CCDC144A: variants seen among roughly 807,000 people sequenced by gnomAD.
CCDC144A encodes the protein coiled-coil domain containing 144A, also known as coiled-coil domain-containing protein 144A.
Under a neutral mutation model 143.8 loss-of-function variants are expected in CCDC144A, and 41 were observed. The ratio of observed to expected loss-of-function variants is 0.29; its 90% CI spans 0.22 to 0.37. The LOEUF (loss-of-function observed/expected upper bound fraction) is 0.37, where lower values mean the gene tolerates loss of function less well. Among genes scored for constraint, CCDC144A ranks in the 10% least tolerant of loss-of-function variants. The probability of loss-of-function intolerance (pLI) is 1.00; values close to 1 mark genes in which losing one functional copy is unlikely to be tolerated. For synonymous variants in CCDC144A, 242 were observed against 517.9 expected (o/e 0.47, Z 7.23); for missense variants, 637 against 1,488.8 (o/e 0.43, Z 9.41).
intron 12 of CCDC144A, among the ~76,000 whole-genome samples, chr17:16,744,433 T>G (rs559124542): frequency 6.6e-6 from 1 of 152,368 alleles, no homozygotes; most frequent in East Asian, 1.9e-4. Flanking sequence ...TCATTGTGGC[T>G]TTGATTTGCT....
At chr17:16,676,738 A>G in the CCDC144A span, among the ~76,000 whole-genome samples, 41 of 151,980 alleles carry the variant, frequency 2.7e-4, no homozygotes, top group East Asian at 6.2e-3. Flanking sequence ...GCAGAAACAA[A>G]CTCTGTGGTC....
chr17:16,667,452 CTCAGGGGCTGACGCGGGTGAGG>C, the CCDC144A span, among the ~76,000 whole-genome samples: 1 of 151,594 alleles, frequency 6.6e-6, no homozygotes, highest in Non-Finnish European at 1.5e-5. Flanking sequence ...GCTGAGGTGG[CTCAGGGGCTGACGCGGGTGAGG>C]GGCTGAGGGG....
At chr17:16,683,214 G>C in the CCDC144A span, among the ~76,000 whole-genome samples, 6 of 151,998 alleles carry the variant, frequency 3.9e-5, no homozygotes, top group Non-Finnish European at 8.8e-5. Flanking sequence ...ACCACAAAAA[G>C]TAAGTATGCA....
the CCDC144A span, among the ~76,000 whole-genome samples, chr17:16,678,940 G>C: frequency 6.6e-6 from 1 of 151,816 alleles, no homozygotes; most frequent in Non-Finnish European, 1.5e-5. Context: ...TTTTAGTAGA[G>C]GGCGGGTTTC....
intron 6 of CCDC144A, among the ~76,000 whole-genome samples, chr17:16,717,927 G>A (rs981569979): frequency 5.3e-5 from 8 of 152,136 alleles, no homozygotes; most frequent in Non-Finnish European, 8.8e-5. Flanking sequence ...CTCTGATTAC[G>A]CCAGTGTTTG....
intron 12 of CCDC144A, among the ~76,000 whole-genome samples, chr17:16,756,505 C>A (rs1160401010): frequency 6.7e-6 from 1 of 149,164 alleles, no homozygotes; most frequent in East Asian, 2.0e-4. Context: ...TTATTCAGAT[C>A]ATAAATTGTT....
At chr17:16,707,586 C>T in intron 4 of CCDC144A, 44 bp downstream of exon 4, 1 of 1,305,436 alleles carries the variant, frequency 7.7e-7, no homozygotes, top group Non-Finnish European at 1.1e-6. Context: ...TGGTTTAATA[C>T]TCTTTTCTTT....
At chr17:16,684,312 G>C in the CCDC144A span, 2 of 741,542 alleles carry the variant, frequency 2.7e-6, no homozygotes, top group Non-Finnish European at 2.5e-6. Flanking sequence ...TTATGTAAGT[G>C]GTTTAATGAC....
chr17:16,729,714 C>G (rs1431486740), intron 9 of CCDC144A, among the ~76,000 whole-genome samples: 7 of 151,572 alleles, frequency 4.6e-5, no homozygotes, highest in Admixed American at 2.6e-4. Context: ...GCCACCACGC[C>G]TGGCTAATTT....
chr17:16,709,581 A>G lies in CCDC144A; in HGVS notation c.1524A>G (p.Thr508=), dbSNP rs371753347. ...AAAAGTTTAAGAATGAGGTCAACAC[A>G]TTAGAAGAAGAGTTCCTGGCTTTGA... The part of the protein sequence containing the change: ...DMQKFKNEVN[T]LEEEFLALKK... The change falls in exon 5 of 17, where the codon ACA becomes ACG. Residue 508 remains threonine, a synonymous_variant. Transcript: ENST00000399273. The G allele has an allele frequency of 6.7e-5, 108 of 1,611,640 alleles. No homozygotes were observed. In the African/African-American group the frequency reaches 1.0e-3, roughly 15 times the overall value.
intron 2 of CCDC144A, among the ~76,000 whole-genome samples, chr17:16,698,222 G>A (rs1567583907): frequency 1.3e-5 from 2 of 152,164 alleles, no homozygotes; most frequent in African/African-American, 4.8e-5. Flanking sequence ...AATTAGGAAA[G>A]AAGCCTGAGC....
intron 11 of CCDC144A, 95 bp from the exon 12 acceptor site, chr17:16,734,595 T>A (rs575064385): frequency 8.0e-7 from 1 of 1,244,266 alleles, no homozygotes; most frequent in Non-Finnish European, 1.1e-6. Context: ...TATCCACTTA[T>A]GGCAATCTTT....
At chr17:16,765,522 T>C (rs1915557971) in intron 15 of CCDC144A, 1 of 148,662 alleles carries the variant, frequency 6.7e-6, no homozygotes, top group Non-Finnish European at 1.5e-5. Flanking sequence ...CATTGGCTTA[T>C]AGTTTTGATG....
chr17:16,746,269 C>CTTTTT lies in CCDC144A; in HGVS notation c.3372+10627_3372+10628insTTTTT, dbSNP rs1265518914. ...TTCTTCTGTTTATCTGTCTCTCTCT[C>CTTTTT]TCTTTTTTTTTTTTTTTGCATCTTT... On this transcript the variant is annotated intron_variant, in intron 12 of 16. Transcript: ENST00000399273. The CTTTTT allele has an allele frequency of 8.4e-6, 8 of 951,854 alleles. No homozygotes were observed. The African/African-American group carries it at 1.4e-4, about 17-fold the overall frequency. 59.0% of individuals were successfully genotyped at this position (951,854 alleles called of 1,614,324 possible). A position where few individuals can be genotyped will look rare whatever the true frequency, so the allele number is the denominator to read the frequency against.
chr17:16,689,952 G>C (rs1211260809), upstream of CCDC144A: 1 of 154,232 alleles, frequency 6.5e-6, no homozygotes, highest in Non-Finnish European at 1.4e-5. Context: ...AGGCAGGCTG[G>C]GCACCGCCAC....
chr17:16,752,253 G>A (rs1048499328), intron 12 of CCDC144A, among the ~76,000 whole-genome samples: 16 of 152,160 alleles, frequency 1.1e-4, no homozygotes, highest in Non-Finnish European at 2.1e-4. Context: ...TCTAGGTTGC[G>A]TGCTCCTTAT....
At chr17:16,744,311 T>C (rs974110923) in intron 12 of CCDC144A, among the ~76,000 whole-genome samples, 7 of 152,224 alleles carry the variant, frequency 4.6e-5, no homozygotes, top group Non-Finnish European at 1.0e-4. Flanking sequence ...TTTTCTCCAA[T>C]AGTGTATTAG....
chr17:16,690,457 A>C lies in CCDC144A; in HGVS notation c.57A>C (p.Ala19=), dbSNP rs760691655. The C allele has an allele frequency of 8.1e-6, 13 of 1,610,426 alleles. No homozygotes were observed. In the Admixed American group the frequency reaches 1.3e-4, roughly 17 times the overall value. Residue 19 remains alanine (A), a synonymous_variant, in exon 1 of 17, where the codon GCA becomes GCC. Transcript: ENST00000399273. ...GGGCTGAGGGGTCTCCGAAGCCGGC[A>C]GTCTACGCCACGAGGAAGACCCCTA... The part of the protein sequence containing the change: ...RGGAEGSPKP[A]VYATRKTPSV...
chr17:16,680,386 G>A, the CCDC144A span, among the ~76,000 whole-genome samples: 865 of 152,042 alleles, frequency 5.7e-3, 11 homozygotes, highest in African/African-American at 0.02. Context: ...AAAGTGTTGA[G>A]GCTAACAGAT....
Sources: gnomAD v4.1 joint callset for allele counts (sites outside exome capture counted in the v4.1 genomes callset) on GRCh38, gnomAD v4.1.1 for gene constraint, MANE v1.5 for transcripts, NCBI Gene and HGNC (gene_info 2026-07-23, HGNC 2026-07-21) for gene names.